The following SEMA3C variants were observed in gnomAD, a reference collection of about 807,000 sequenced individuals.
SEMA3C encodes the protein semaphorin 3C, also known as semaphorin-3C.
SEMA3C carries 47 observed loss-of-function variants against 89.4 expected under a neutral mutation model. That is an observed-to-expected ratio of 0.53 (90% CI 0.42 to 0.67). SEMA3C has a LOEUF of 0.67. Among genes scored for constraint, SEMA3C ranks in the 30% least tolerant of loss-of-function variants. The pLI is 0.00. For synonymous variants in SEMA3C, 310 were observed against 320.2 expected (o/e 0.97, Z 0.34); for missense variants, 839 against 929.1 (o/e 0.90, Z 1.26).
At chr7:80,877,142 A>G (rs1791220762) in intron 2 of SEMA3C, among the ~76,000 whole-genome samples, 1 of 152,178 alleles carries the variant, frequency 6.6e-6, no homozygotes, top group South Asian at 2.1e-4. Flanking sequence ...TAAAGTCTGG[A>G]GCAATTAAGA....
intron 2 of SEMA3C, among the ~76,000 whole-genome samples, chr7:80,852,750 C>T (rs1194653212): frequency 1.3e-5 from 2 of 148,636 alleles, no homozygotes; most frequent in Non-Finnish European, 3.0e-5. Context: ...GCAATCTTGG[C>T]TCACTGCAAG....
chr7:80,870,296 T>C (rs1396357359), intron 2 of SEMA3C, among the ~76,000 whole-genome samples: 1 of 152,082 alleles, frequency 6.6e-6, no homozygotes. Context: ...CCTTGTCTGA[T>C]GCCACCAATG....
Position 80,905,932 on chromosome 7 carries a change from G to A in SEMA3C, c.103+10747C>T, listed in dbSNP as rs918364046. 6.3e-6 allele frequency: 8 copies of A among 1,265,252 alleles called. No homozygotes were observed. The African/African-American group carries it at 1.2e-4, about 19-fold the overall frequency. The allele number at this position is 1,265,252 out of a possible 1,614,324, so 78.4% of individuals were successfully genotyped here. On this transcript the variant is annotated intron_variant, in intron 2 of 17. Transcript: ENST00000265361. Reference sequence around the variant, plus strand: ...AAGGTAGGCTCTGGAAAAGAGTCATGGAATTGAATGTAATTTTGTTTTGTT... The same window carrying A: ...AAGGTAGGCTCTGGAAAAGAGTCATAGAATTGAATGTAATTTTGTTTTGTT...
intron 15 of SEMA3C, among the ~76,000 whole-genome samples, chr7:80,754,418 TG>T (rs1473639278): frequency 6.6e-6 from 1 of 152,200 alleles, no homozygotes; most frequent in Non-Finnish European, 1.5e-5. Context: ...CTTCGTGTTT[TG>T]CTTAGAGAGT....
chr7:80,906,576 T>C (rs1042721482), intron 2 of SEMA3C, among the ~76,000 whole-genome samples: 2 of 152,102 alleles, frequency 1.3e-5, no homozygotes, highest in Non-Finnish European at 2.9e-5. Flanking sequence ...GGAAAACAAA[T>C]ACAAGAGATC....
rs1217254833 is a variant in SEMA3C at position 80,838,082 on chromosome 7, G to A, written c.104-9337C>T. ...CATAAACCAATCAAATGGAAAAAAT[G>A]CCATCAAATTTCAGAAAATCATGGT... is the stretch of plus-strand genomic sequence containing the variant. On this transcript the variant is annotated intron_variant, in intron 2 of 17. Coordinates refer to ENST00000265361, the MANE Select transcript of SEMA3C (RefSeq NM_006379.5). Among the ~76,000 whole-genome samples, 3 of 152,034 alleles carry A rather than the reference G, an allele frequency of 2.0e-5. No homozygotes were observed. In the East Asian group the frequency reaches 5.8e-4, roughly 29 times the overall value.
intron 2 of SEMA3C, among the ~76,000 whole-genome samples, chr7:80,891,157 A>C (rs1791602272): frequency 6.6e-6 from 1 of 152,148 alleles, no homozygotes; most frequent in South Asian, 2.1e-4. Flanking sequence ...TTTCCGTATA[A>C]ATTTCAGACA....
chr7:80,908,071 T>C (rs547088295), intron 2 of SEMA3C, among the ~76,000 whole-genome samples: 2 of 152,260 alleles, frequency 1.3e-5, no homozygotes, highest in African/African-American at 4.8e-5. Context: ...TACTCACTAA[T>C]TCCATTAAAC....
In SEMA3C at chr7:80,823,419, T is replaced by C. The variant is rs1453864591; in HGVS notation, c.327+4006A>G. On this transcript the variant is annotated intron_variant, in intron 4 of 17. Coordinates refer to ENST00000265361, the MANE Select transcript of SEMA3C (RefSeq NM_006379.5). ...TACTTTTCTAAGTCTTCAAAGATTG[T>C]TGTATTGAAAATATATTACTTTTAT... Among the ~76,000 whole-genome samples the C allele has an allele frequency of 9.2e-5, 14 of 152,260 alleles. No individual in the cohort carries two copies. The East Asian group carries it at 2.7e-3, about 29-fold the overall frequency.
At chr7:80,797,281 T>C (rs570360518) in intron 11 of SEMA3C, among the ~76,000 whole-genome samples, 2 of 152,184 alleles carry the variant, frequency 1.3e-5, no homozygotes, top group South Asian at 4.1e-4. Context: ...AGCATTATTA[T>C]AGGCCAGATG....
At chr7:80,911,560 A>C (rs972058402) in intron 2 of SEMA3C, among the ~76,000 whole-genome samples, 2 of 152,148 alleles carry the variant, frequency 1.3e-5, no homozygotes, top group Non-Finnish European at 2.9e-5. Flanking sequence ...TCATTTGATA[A>C]AGAGTTCAAT....
intron 2 of SEMA3C, among the ~76,000 whole-genome samples, chr7:80,885,129 A>C (rs1791442821): frequency 6.6e-6 from 1 of 152,186 alleles, no homozygotes; most frequent in African/African-American, 2.4e-5. Flanking sequence ...AAACGTGTTA[A>C]CTGGTTTAAT....
chr7:80,885,091 T>C (rs1791441717), intron 2 of SEMA3C, among the ~76,000 whole-genome samples: 1 of 152,204 alleles, frequency 6.6e-6, no homozygotes, highest in Non-Finnish European at 1.5e-5. Context: ...CTCTTTAGAA[T>C]GAGACAAGAA....
chr7:80,909,910 A>T (rs1584001964), intron 2 of SEMA3C, among the ~76,000 whole-genome samples: 1 of 152,216 alleles, frequency 6.6e-6, no homozygotes, highest in East Asian at 1.9e-4. Flanking sequence ...CTGATATATA[A>T]TGATCCTCAA....
chr7:80,771,147 G>C (rs906252714), intron 12 of SEMA3C, among the ~76,000 whole-genome samples: 3 of 152,220 alleles, frequency 2.0e-5, no homozygotes, highest in Non-Finnish European at 4.4e-5. Flanking sequence ...GCTTAGCATG[G>C]TGTCTGGCAC....
intron 2 of SEMA3C, among the ~76,000 whole-genome samples, chr7:80,879,862 A>G (rs1225233852): frequency 6.6e-6 from 1 of 152,180 alleles, no homozygotes; most frequent in Non-Finnish European, 1.5e-5. Flanking sequence ...TCAGGGTGAC[A>G]TGGAGCAAAC....
intron 12 of SEMA3C, among the ~76,000 whole-genome samples, chr7:80,766,213 C>T (rs1347782071): frequency 6.6e-6 from 1 of 152,166 alleles, no homozygotes; most frequent in Admixed American, 6.5e-5. Flanking sequence ...CAGTTTGTTA[C>T]AGTACATAGC....
At chr7:80,866,099 G>C (rs956861498) in intron 2 of SEMA3C, among the ~76,000 whole-genome samples, 2 of 152,222 alleles carry the variant, frequency 1.3e-5, no homozygotes, top group Non-Finnish European at 2.9e-5. Flanking sequence ...TCTTATTAGA[G>C]CAGGATAAAG....
At chr7:80,756,038 A>C (rs1163409742) in intron 15 of SEMA3C, among the ~76,000 whole-genome samples, 1 of 151,894 alleles carries the variant, frequency 6.6e-6, no homozygotes, top group East Asian at 1.9e-4. Context: ...TGCCATTAAG[A>C]CTCTCAAGTG....
Sources: gnomAD v4.1 joint callset for allele counts (sites outside exome capture counted in the v4.1 genomes callset) on GRCh38, gnomAD v4.1.1 for gene constraint, MANE v1.5 for transcripts, NCBI Gene and HGNC (gene_info 2026-07-23, HGNC 2026-07-21) for gene names.